The following GRID2 variants were observed in gnomAD, a reference collection of about 807,000 sequenced individuals.
GRID2 encodes glutamate ionotropic receptor delta type subunit 2.
GRID2 carries 33 observed loss-of-function variants against 114.8 expected under a neutral mutation model. The observed-to-expected ratio is 0.29, with a 90% CI of 0.22 to 0.38. GRID2 has a LOEUF of 0.38. GRID2 is among the 10% of genes least tolerant of loss of function. GRID2 has a pLI of 1.00. For synonymous variants in GRID2, 505 were observed against 449.9 expected (o/e 1.12, Z -1.55); for missense variants, 1,184 against 1,257.7 (o/e 0.94, Z 0.89).
rs902862627 is a variant in GRID2 at position 93,553,813 on chromosome 4, A to G, written c.2193+38402A>G. On this transcript the variant is annotated intron_variant, in intron 13 of 15. Coordinates refer to ENST00000282020, the MANE Select transcript of GRID2 (RefSeq NM_001510.4). ...TATATTTATCAAACACAGGAAGACT[A>G]CTAATTTTTACTATCTATGTTTCTA... Among the ~76,000 whole-genome samples, 6 of 152,182 alleles carry G rather than the reference A, an allele frequency of 3.9e-5. No individual in the cohort carries two copies. The South Asian group carries it at 1.2e-3, about 32-fold the overall frequency.
intron 1 of GRID2, among the ~76,000 whole-genome samples, chr4:92,445,108 C>T (rs1045408723): frequency 1.3e-5 from 2 of 152,076 alleles, no homozygotes; most frequent in African/African-American, 4.8e-5. Context: ...TTATTATGTG[C>T]TAGATACTCT....
chr4:92,711,447 G>T (rs1313450516), intron 2 of GRID2, among the ~76,000 whole-genome samples: 2 of 152,106 alleles, frequency 1.3e-5, no homozygotes, highest in Non-Finnish European at 2.9e-5. Flanking sequence ...CCCAGTTTTT[G>T]TTGGTTGTCA....
chr4:92,620,641 T>A (rs568731840), intron 2 of GRID2, among the ~76,000 whole-genome samples: 1 of 151,714 alleles, frequency 6.6e-6, no homozygotes, highest in South Asian at 2.1e-4. Context: ...GTTATGAGTT[T>A]TATGTAAATT....
intron 2 of GRID2, among the ~76,000 whole-genome samples, chr4:93,051,021 A>C (rs1726658896): frequency 6.6e-6 from 1 of 152,162 alleles, no homozygotes; most frequent in Non-Finnish European, 1.5e-5. Context: ...AGCTGTGAGT[A>C]AACAAATTCA....
chr4:93,704,258 A>C (rs1213320496), intron 14 of GRID2, among the ~76,000 whole-genome samples: 1 of 152,042 alleles, frequency 6.6e-6, no homozygotes, highest in Non-Finnish European at 1.5e-5. Context: ...GATGATGAGC[A>C]TTTTTTCATG....
intron 2 of GRID2, among the ~76,000 whole-genome samples, chr4:92,917,827 A>G (rs1317924344): frequency 6.6e-6 from 1 of 152,154 alleles, no homozygotes; most frequent in African/African-American, 2.4e-5. Context: ...TGACATGGCA[A>G]TTCAGGCTCT....
chr4:93,594,789 G>A (rs369967006), intron 13 of GRID2, among the ~76,000 whole-genome samples: 25 of 152,326 alleles, frequency 1.6e-4, no homozygotes, highest in South Asian at 6.2e-4. Context: ...GAAAAGCGCA[G>A]TATTCGGGTG....
intron 2 of GRID2, among the ~76,000 whole-genome samples, chr4:92,851,101 T>C (rs1743753570): frequency 1.3e-5 from 2 of 151,970 alleles, no homozygotes; most frequent in African/African-American, 4.8e-5. Context: ...ATTGTTTCAA[T>C]AGCAAATATC....
intron 1 of GRID2, among the ~76,000 whole-genome samples, chr4:92,325,891 A>C (rs553068749): frequency 6.6e-6 from 1 of 151,762 alleles, no homozygotes; most frequent in South Asian, 2.1e-4. Context: ...TTAATTTCTT[A>C]ATTTCTTTTA....
At chr4:92,346,741 A>C (rs930060989) in intron 1 of GRID2, among the ~76,000 whole-genome samples, 18 of 152,152 alleles carry the variant, frequency 1.2e-4, no homozygotes, top group Admixed American at 1.0e-3. Context: ...AAACATTTGT[A>C]CTCTTTTCCC....
chr4:92,944,180 G>A (rs111671312), intron 2 of GRID2, among the ~76,000 whole-genome samples: 2,239 of 152,332 alleles, frequency 0.015, 21 homozygotes, highest in East Asian at 0.053. Flanking sequence ...GCCCCCAGAT[G>A]TGGAGTCTAC....
At chr4:92,880,025 C>T (rs1463439184) in intron 2 of GRID2, among the ~76,000 whole-genome samples, 1 of 152,036 alleles carries the variant, frequency 6.6e-6, no homozygotes, top group African/African-American at 2.4e-5. Context: ...GTATAAAAAT[C>T]CAAGGAATTT....
chr4:93,646,833 G>C (rs1722157630), intron 14 of GRID2, among the ~76,000 whole-genome samples: 1 of 152,076 alleles, frequency 6.6e-6, no homozygotes, highest in Non-Finnish European at 1.5e-5. Flanking sequence ...GAGGTAAAGA[G>C]AGAAATCAGG....
At chr4:92,452,445 G>A (rs1251357956) in intron 1 of GRID2, among the ~76,000 whole-genome samples, 1 of 151,762 alleles carries the variant, frequency 6.6e-6, no homozygotes, top group Non-Finnish European at 1.5e-5. Flanking sequence ...AGCCTCCTGA[G>A]TAGCTGGGAT....
At chr4:92,553,160 G>A (rs898836729) in intron 1 of GRID2, among the ~76,000 whole-genome samples, 1 of 152,138 alleles carries the variant, frequency 6.6e-6, no homozygotes, top group Non-Finnish European at 1.5e-5. Flanking sequence ...TTAGAATAGG[G>A]TGATTACCAA....
intron 11 of GRID2, among the ~76,000 whole-genome samples, chr4:93,459,050 G>A (rs978233900): frequency 1.2e-4 from 18 of 151,722 alleles, no homozygotes; most frequent in African/African-American, 4.4e-4. Context: ...CATGGTGGTG[G>A]GCGCCTGTAA....
At chr4:92,591,748 G>A (rs1193595877) in intron 2 of GRID2, among the ~76,000 whole-genome samples, 1 of 151,948 alleles carries the variant, frequency 6.6e-6, no homozygotes, top group Admixed American at 6.6e-5. Context: ...TGTGATTGGT[G>A]GTCTAAAAGT....
At chr4:92,663,427 GA>G (rs1732613805) in intron 2 of GRID2, among the ~76,000 whole-genome samples, 1 of 151,012 alleles carries the variant, frequency 6.6e-6, no homozygotes, top group African/African-American at 2.4e-5. Flanking sequence ...GAAATTCATT[GA>G]ACATCTTTTG....
At chr4:92,537,784 G>GGGGT (rs560095688) in intron 1 of GRID2, among the ~76,000 whole-genome samples, 162 of 126,008 alleles carry the variant, frequency 1.3e-3, no homozygotes, top group Middle Eastern at 4.5e-3. Flanking sequence ...AAAAACTTGC[G>GGGGT]GTGTGTGTGT....
Sources: allele counts gnomAD v4.1 joint callset (sites outside exome capture counted in the v4.1 genomes callset), GRCh38; gene constraint gnomAD v4.1.1; transcripts MANE v1.5; gene names NCBI Gene and HGNC (gene_info 2026-07-23, HGNC 2026-07-21).